IMMP2L: variants seen among roughly 807,000 people sequenced by gnomAD.
The protein encoded by IMMP2L is mitochondrial inner membrane protease subunit 2.
IMMP2L carries 18 observed loss-of-function variants against 19.3 expected under a neutral mutation model. The ratio of observed to expected loss-of-function variants is 0.93; its 90% CI spans 0.64 to 1.38. IMMP2L has a LOEUF of 1.38. IMMP2L is among the 40% of genes most tolerant of loss of function. The pLI, the probability that IMMP2L is intolerant of heterozygous loss-of-function variation, is 0.00. For synonymous variants in IMMP2L, 76 were observed against 73.0 expected (o/e 1.04, Z -0.21); for missense variants, 233 against 218.2 (o/e 1.07, Z -0.43).
chr7:111,008,917 T>C (rs1163555143), intron 3 of IMMP2L, among the ~76,000 whole-genome samples: 1 of 152,100 alleles, frequency 6.6e-6, no homozygotes, highest in African/African-American at 2.4e-5. Flanking sequence ...GGAATATGAA[T>C]GGATTCTGTG....
chr7:110,825,002 C>T (rs1302346119), intron 5 of IMMP2L, among the ~76,000 whole-genome samples: 1 of 152,170 alleles, frequency 6.6e-6, no homozygotes, highest in African/African-American at 2.4e-5. Context: ...TCTCAGGATA[C>T]AAAATCAATG....
intron 5 of IMMP2L, among the ~76,000 whole-genome samples, chr7:110,842,725 C>T (rs1203361980): frequency 6.6e-6 from 1 of 152,084 alleles, no homozygotes; most frequent in African/African-American, 2.4e-5. Flanking sequence ...AGGCTGTTCC[C>T]CTAAATTACC....
intron 3 of IMMP2L, among the ~76,000 whole-genome samples, chr7:111,089,411 TC>T (rs1796623605): frequency 6.6e-6 from 1 of 151,592 alleles, no homozygotes; most frequent in South Asian, 2.1e-4. Context: ...ATAAAAATTC[TC>T]TTTTTACAAA....
chr7:110,759,016 T>C (rs948207879), intron 5 of IMMP2L, among the ~76,000 whole-genome samples: 12 of 152,170 alleles, frequency 7.9e-5, no homozygotes, highest in African/African-American at 2.9e-4. Flanking sequence ...ATTTAGTCTC[T>C]ATGCCTTAAT....
At chr7:111,033,149 A>T (rs1423630935) in intron 3 of IMMP2L, among the ~76,000 whole-genome samples, 1 of 152,228 alleles carries the variant, frequency 6.6e-6, no homozygotes, top group Non-Finnish European at 1.5e-5. Context: ...ATAAGTAAAT[A>T]GATAAATAAA....
At chr7:111,178,740 T>C (rs1209951731) in intron 3 of IMMP2L, among the ~76,000 whole-genome samples, 1 of 152,092 alleles carries the variant, frequency 6.6e-6, no homozygotes, top group East Asian at 1.9e-4. Flanking sequence ...TATCATGAGA[T>C]TGTAGCAATT....
chr7:111,105,292 T>C (rs1348265754), intron 3 of IMMP2L, among the ~76,000 whole-genome samples: 2 of 151,928 alleles, frequency 1.3e-5, no homozygotes, highest in Non-Finnish European at 2.9e-5. Context: ...CTTCTATGAA[T>C]CTGACATCTA....
intron 3 of IMMP2L, among the ~76,000 whole-genome samples, chr7:111,183,074 C>A (rs1278504809): frequency 6.6e-6 from 1 of 151,874 alleles, no homozygotes; most frequent in Non-Finnish European, 1.5e-5. Flanking sequence ...ACAAATGTAT[C>A]TTAAATGTTT....
chr7:111,476,353 C>G (rs1841725150), intron 3 of IMMP2L, among the ~76,000 whole-genome samples: 1 of 152,096 alleles, frequency 6.6e-6, no homozygotes, highest in Non-Finnish European at 1.5e-5. Flanking sequence ...TTTTCAAACA[C>G]TTAATAATCT....
intron 3 of IMMP2L, among the ~76,000 whole-genome samples, chr7:111,204,608 T>G (rs1810502037): frequency 2.0e-5 from 3 of 152,162 alleles, no homozygotes; most frequent in Admixed American, 2.0e-4. Flanking sequence ...TAAAAATAAA[T>G]TTTTAAAAAA....
At chr7:110,763,394 T>C (rs1798468659) in intron 5 of IMMP2L, among the ~76,000 whole-genome samples, 1 of 152,130 alleles carries the variant, frequency 6.6e-6, no homozygotes, top group African/African-American at 2.4e-5. Flanking sequence ...ATTGAGTGCC[T>C]ACTCTGAGCA....
In IMMP2L at chr7:110,662,811, C is replaced by T. The variant is rs1370484413; in HGVS notation, c.*791G>A. On this transcript the variant is annotated 3_prime_UTR_variant, in exon 6 of 6. Coordinates refer to ENST00000405709, the MANE Select transcript of IMMP2L (RefSeq NM_032549.4). ...GGACTGTTTTTTCTTCTATTTCACT[C>T]AGAACTTTTAAACACATAGTATGAC... Among the ~76,000 whole-genome samples, 1 of 152,112 alleles carries T rather than the reference C, an allele frequency of 6.6e-6. No homozygotes were observed. The highest frequency in any genetic ancestry group is 1.5e-5 in the Non-Finnish European group (1 of 68,018).
At chr7:110,821,688 A>G (rs866076783) in intron 5 of IMMP2L, among the ~76,000 whole-genome samples, 1 of 152,016 alleles carries the variant, frequency 6.6e-6, no homozygotes, top group Non-Finnish European at 1.5e-5. Context: ...CGAGGTAGGC[A>G]GATCATGAGG....
At position 111,209,162 on chromosome 7, in the gene IMMP2L, C is replaced by T. The variant is rs369325903; in HGVS notation, c.240-245597G>A. 1.7e-3 allele frequency among the ~76,000 whole-genome samples: 263 copies of T among 152,174 alleles called. 3 individuals are homozygous for T. The highest frequency in any genetic ancestry group is 5.7e-3 in the African/African-American group (237 of 41,530). Reference sequence around the variant, plus strand: ...ATCCCAGCACTTTGGGAGGCTGAGGCGGGTGGATCACGATCACGAGGTCAG... The same window carrying T: ...ATCCCAGCACTTTGGGAGGCTGAGGTGGGTGGATCACGATCACGAGGTCAG... On this transcript the variant is annotated intron_variant, in intron 3 of 5. Coordinates refer to ENST00000405709, the MANE Select transcript of IMMP2L (RefSeq NM_032549.4).
intron 2 of IMMP2L, among the ~76,000 whole-genome samples, chr7:111,500,060 G>GA (rs1283655820): frequency 6.6e-6 from 1 of 152,084 alleles, no homozygotes; most frequent in East Asian, 1.9e-4. Flanking sequence ...CCTAGTCAAA[G>GA]AAAGAGGTGA....
chr7:111,094,735 C>T (rs1402230634), intron 3 of IMMP2L, among the ~76,000 whole-genome samples: 2 of 152,134 alleles, frequency 1.3e-5, no homozygotes, highest in Non-Finnish European at 2.9e-5. Flanking sequence ...TATTGTTAGA[C>T]ATCTACGAAG....
chr7:111,358,995 T>C (rs1489125650), intron 3 of IMMP2L, among the ~76,000 whole-genome samples: 1 of 152,128 alleles, frequency 6.6e-6, no homozygotes. Flanking sequence ...CTAAGTTAGA[T>C]AGCTAGAACA....
chr7:111,173,473 A>G (rs1205953455), intron 3 of IMMP2L, among the ~76,000 whole-genome samples: 1 of 151,654 alleles, frequency 6.6e-6, no homozygotes, highest in Non-Finnish European at 1.5e-5. Flanking sequence ...ACGTTAAGTT[A>G]GTGTCTACCC....
intron 3 of IMMP2L, among the ~76,000 whole-genome samples, chr7:111,002,983 C>T (rs1356821824): frequency 6.6e-6 from 1 of 152,076 alleles, no homozygotes; most frequent in Non-Finnish European, 1.5e-5. Context: ...GCAGGTAATG[C>T]TTCCTTATAT....
Sources: gnomAD v4.1 joint callset for allele counts (sites outside exome capture counted in the v4.1 genomes callset) on GRCh38, gnomAD v4.1.1 for gene constraint, MANE v1.5 for transcripts, NCBI Gene and HGNC (gene_info 2026-07-23, HGNC 2026-07-21) for gene names.